The following WWOX variants were observed in gnomAD, a reference collection of about 807,000 sequenced individuals.
WWOX encodes the protein WW domain-containing oxidoreductase.
In WWOX, 69 loss-of-function variants were observed where a neutral mutation model predicts 46.2. That is an observed-to-expected ratio of 1.49 (90% confidence interval 1.23 to 1.82). WWOX has a LOEUF of 1.82. WWOX is among the 40% of genes most tolerant of loss of function. The probability of loss-of-function intolerance (pLI) is 0.00; values close to 1 mark genes in which losing one functional copy is unlikely to be tolerated. For synonymous variants in WWOX, 359 were observed against 202.6 expected, an observed-to-expected ratio of 1.77 and a Z score of -6.56; for missense variants, 919 against 542.6, an observed-to-expected ratio of 1.69 and a Z score of -6.89.
intron 5 of WWOX, among the ~76,000 whole-genome samples, chr16:78,261,969 TATC>T (rs2079254052): frequency 6.6e-6 from 1 of 150,804 alleles, no homozygotes; most frequent in Non-Finnish European, 1.5e-5. Flanking sequence ...GGCCTCATTA[TATC>T]TGAGTAGGGC....
intron 8 of WWOX, among the ~76,000 whole-genome samples, chr16:78,882,236 A>G (rs1369959104): frequency 6.6e-6 from 1 of 152,242 alleles, no homozygotes; most frequent in African/African-American, 2.4e-5. Context: ...TGTGTATAGT[A>G]TGTTATAGTT....
intron 8 of WWOX, chr16:78,891,078 C>A (rs1382835012): frequency 6.6e-6 from 1 of 152,094 alleles, no homozygotes; most frequent in Non-Finnish European, 1.5e-5. Context: ...AAAAAGTGAT[C>A]CTGGATGAAT....
At chr16:78,786,350 C>G (rs2050455976) in intron 8 of WWOX, among the ~76,000 whole-genome samples, 1 of 152,150 alleles carries the variant, frequency 6.6e-6, no homozygotes, top group South Asian at 2.1e-4. Context: ...AATATGAGAT[C>G]ACTGAAAGTG....
intron 8 of WWOX, among the ~76,000 whole-genome samples, chr16:78,788,029 A>G (rs1192556020): frequency 2.0e-5 from 3 of 152,196 alleles, no homozygotes; most frequent in South Asian, 2.1e-4. Flanking sequence ...AGTTGTTTAT[A>G]TATTTTGGAT....
intron 1 of WWOX, chr16:78,100,208 G>C: frequency 5.1e-6 from 6 of 1,181,498 alleles, no homozygotes; most frequent in Middle Eastern, 3.6e-4. Flanking sequence ...CACATGCTCA[G>C]CTCCCTCCTG....
At chr16:78,578,230 A>G (rs1262090474) in intron 8 of WWOX, among the ~76,000 whole-genome samples, 4 of 135,440 alleles carry the variant, frequency 3.0e-5, no homozygotes, top group Admixed American at 7.7e-5. Context: ...ATGTTTATAT[A>G]CAAATATATG....
chr16:78,355,236 CTG>C (rs36043809), intron 5 of WWOX, among the ~76,000 whole-genome samples: 105,064 of 151,526 alleles, frequency 0.69, 37,233 homozygotes, highest in Non-Finnish European at 0.73. Context: ...GTCATTGCTC[CTG>C]TGTGTGTGTG....
At chr16:78,808,616 G>C (rs1289194529) in intron 8 of WWOX, among the ~76,000 whole-genome samples, 1 of 152,104 alleles carries the variant, frequency 6.6e-6, no homozygotes, top group Non-Finnish European at 1.5e-5. Context: ...TGCTTCATTG[G>C]TTTAAAATAA....
At chr16:78,963,706 A>G (rs1414502968) in intron 8 of WWOX, among the ~76,000 whole-genome samples, 1 of 152,214 alleles carries the variant, frequency 6.6e-6, no homozygotes, top group African/African-American at 2.4e-5. Flanking sequence ...TGCACTATGC[A>G]CTTAACACAC....
At chr16:78,431,252 A>T (rs1488971867) in intron 7 of WWOX, among the ~76,000 whole-genome samples, 1 of 152,254 alleles carries the variant, frequency 6.6e-6, no homozygotes, top group African/African-American at 2.4e-5. Flanking sequence ...CCATGGGTAT[A>T]CTTAAAAACA....
intron 8 of WWOX, among the ~76,000 whole-genome samples, chr16:78,726,211 TTCTTC>T (rs2048833188): frequency 6.6e-6 from 1 of 150,388 alleles, no homozygotes; most frequent in African/African-American, 2.5e-5. Context: ...CTTCCTTCTT[TTCTTC>T]CTTCCTTCCT....
chr16:78,604,496 A>G (rs943086663), intron 8 of WWOX, among the ~76,000 whole-genome samples: 4 of 152,106 alleles, frequency 2.6e-5, no homozygotes, highest in Non-Finnish European at 5.9e-5. Context: ...CTGTGACAAA[A>G]CTTTCACCAT....
intron 5 of WWOX, among the ~76,000 whole-genome samples, chr16:78,351,769 C>G (rs549925734): frequency 3.2e-4 from 49 of 152,262 alleles, no homozygotes; most frequent in African/African-American, 1.1e-3. Context: ...CGATTCTCCT[C>G]TCCCAGCCTC....
At chr16:78,825,517 C>A (rs920331691) in intron 8 of WWOX, 2 of 505,780 alleles carry the variant, frequency 4.0e-6, no homozygotes, top group African/African-American at 3.9e-5. Flanking sequence ...TTTGGCTTCC[C>A]ACAGGGCATT....
intron 4 of WWOX, among the ~76,000 whole-genome samples, chr16:78,141,846 T>G (rs981808574): frequency 1.3e-5 from 2 of 152,104 alleles, no homozygotes; most frequent in African/African-American, 4.8e-5. Flanking sequence ...ATTTCCTAAA[T>G]AACTGGCAGG....
chr16:78,169,559 A>G (rs1236907891), intron 5 of WWOX, among the ~76,000 whole-genome samples: 1 of 152,096 alleles, frequency 6.6e-6, no homozygotes, highest in East Asian at 1.9e-4. Flanking sequence ...AGACCTCGAC[A>G]TTCCAGTGTA....
intron 8 of WWOX, among the ~76,000 whole-genome samples, chr16:78,676,668 G>A (rs936144558): frequency 6.6e-6 from 1 of 152,150 alleles, no homozygotes; most frequent in African/African-American, 2.4e-5. Flanking sequence ...AAACAGCTGA[G>A]TGAAGAAACA....
intron 8 of WWOX, among the ~76,000 whole-genome samples, chr16:78,446,464 C>G (rs2083563038): frequency 1.3e-5 from 2 of 152,140 alleles, no homozygotes; most frequent in South Asian, 4.1e-4. Context: ...CCTGGAAAGA[C>G]TTGGAAGCAT....
chr16:78,099,882 C>G lies in WWOX; in HGVS notation c.104C>G (p.Ala35Gly). The G allele has an allele frequency of 3.8e-6, 6 of 1,564,222 alleles. No individual in the cohort carries two copies. Among genetic ancestry groups the G allele is most frequent in the Non-Finnish European group, 5.2e-6 (6 of 1,155,388 alleles). Reference sequence around the variant, plus strand: ...ACCAAGGACGGCTGGGTTTACTACGCCAAGTAAGGGGGCCGCAGTGGGGCC... The same window carrying G: ...ACCAAGGACGGCTGGGTTTACTACGGCAAGTAAGGGGGCCGCAGTGGGGCC... ...RTTKDGWVYY[A>G]NHTEEKTQWE... The change falls in exon 1 of 9, where the codon GCC (alanine) becomes GGC (glycine). Residue 35 changes from alanine to glycine, a missense_variant. Ala to Gly is a moderately conservative substitution (Grantham distance 60, BLOSUM62 0). Transcript: ENST00000566780.
Sources: gnomAD v4.1 joint callset for allele counts (sites outside exome capture counted in the v4.1 genomes callset) on GRCh38, gnomAD v4.1.1 for gene constraint, MANE v1.5 for transcripts, NCBI Gene and HGNC (gene_info 2026-07-23, HGNC 2026-07-21) for gene names.